MPDZ: variants seen among roughly 807,000 people sequenced by gnomAD.
MPDZ encodes multiple PDZ domain crumbs cell polarity complex component.
In MPDZ, 234 loss-of-function variants were observed where a neutral mutation model predicts 239.1. That is an observed-to-expected ratio of 0.98 (90% CI 0.88 to 1.09). The LOEUF (loss-of-function observed/expected upper bound fraction) is 1.09. MPDZ is among the 50% of genes least tolerant of loss of function. The pLI, the probability that MPDZ is intolerant of heterozygous loss-of-function variation, is 0.00. For missense variants in MPDZ, 3,175 were observed against 2,510.0 expected (o/e 1.26, Z -5.66); for synonymous variants, 1,048 against 881.3 (o/e 1.19, Z -3.35).
At position 13,224,438 on chromosome 9, in the gene MPDZ, A is replaced by T; in HGVS notation, c.329T>A (p.Ile110Asn). The change falls in exon 4 of 47, where the codon ATT becomes AAT. Residue 110 changes from isoleucine (I) to asparagine (N), a missense_variant. Physicochemically the swap from Ile to Asn is moderately radical, Grantham distance 149 (BLOSUM62 -3). Coordinates refer to ENST00000319217, the MANE Select transcript of MPDZ (RefSeq NM_001378778.1). ...AGCAGGTTTCCCATTAATGTGTGGAATACCAGGTCCTGTAAGTGCTTCCAG... is the reference window on the plus strand; with the variant it reads ...AGCAGGTTTCCCATTAATGTGTGGATTACCAGGTCCTGTAAGTGCTTCCAG... Reference protein sequence around the residue: ...GNLEALTGPGIPHINGKPACD... With the variant: ...GNLEALTGPGNPHINGKPACD... The T allele has an allele frequency of 6.2e-7, 1 of 1,612,970 alleles. No homozygotes were observed. Among genetic ancestry groups the T allele is most frequent in the Non-Finnish European group, 8.5e-7 (1 of 1,179,296 alleles).
intron 3 of MPDZ, among the ~76,000 whole-genome samples, chr9:13,238,373 A>C (rs775618728): frequency 4.6e-5 from 7 of 152,214 alleles, no homozygotes; most frequent in Non-Finnish European, 1.0e-4. Flanking sequence ...CCGTGTAAAC[A>C]ACATCACACC....
At chr9:13,192,039 A>C in intron 15 of MPDZ, 92 bp downstream of exon 15, 1 of 1,180,770 alleles carries the variant, frequency 8.5e-7, no homozygotes, top group Non-Finnish European at 1.1e-6. Context: ...TGAGTAAATC[A>C]AATACCAAAT....
chr9:13,188,823 C>G lies in MPDZ; in HGVS notation c.2325G>C (p.Pro775=). ...CAACTCCTATTCTCACAGTCCCTGACGGTGCTCCCTTCAGTGCTTCTACAG... is the reference window on the plus strand; with the variant it reads ...CAACTCCTATTCTCACAGTCCCTGAGGGTGCTCCCTTCAGTGCTTCTACAG... ...EEAVEALKGA[P]SGTVRIGVAK... Residue 775 remains proline (P), a synonymous_variant, in exon 17 of 47, where the codon CCG becomes CCC. Coordinates refer to ENST00000319217, the MANE Select transcript of MPDZ (RefSeq NM_001378778.1). 4 of 1,613,470 alleles carry G rather than the reference C, an allele frequency of 2.5e-6. No individual in the cohort carries two copies. The highest frequency in any genetic ancestry group is 3.4e-6 in the Non-Finnish European group (4 of 1,179,540).
rs566643043 is a variant in MPDZ, at chr9:13,158,213, A to C, written c.3360-103T>G. 5.9e-4 allele frequency: 492 copies of C among 835,842 alleles called. 5 individuals carry two copies. The highest frequency in any genetic ancestry group is 5.2e-3 in the South Asian group (303 of 58,380). 51.8% of individuals were successfully genotyped at this position (835,842 alleles called of 1,614,324 possible). On this transcript the variant is annotated intron_variant, in intron 23 of 46. Coordinates refer to ENST00000319217, the MANE Select transcript of MPDZ (RefSeq NM_001378778.1). The stretch of plus-strand genomic sequence containing the variant: ...TTAGCTAAAAATGCAGGACTGTTTT[A>C]TGTTTTCACCATACATGGCCATAAG...
In MPDZ at chr9:13,193,373, C is replaced by T. The variant is rs1021124879; in HGVS notation, c.1657-60G>A. 6.7e-6 allele frequency: 10 copies of T among 1,499,100 alleles called. No homozygotes were observed. The East Asian group carries it at 6.9e-5, about 10-fold the overall frequency. The allele number at this position is 1,499,100 out of a possible 1,614,324, so 92.9% of individuals were successfully genotyped here. ...TATATTCTTTTTATTTTTACTCATG[C>T]ACACATTTTATGTTTTATGTTTACC... On this transcript the variant is annotated intron_variant, in intron 13 of 46. Coordinates refer to ENST00000319217, the MANE Select transcript of MPDZ (RefSeq NM_001378778.1).
rs186533658 is a variant in MPDZ, at chr9:13,238,075, G to C, written c.183+9560C>G. ...ATAGCGAGGGTATAGTCCTTGGTAA[G>C]GTTTTCCAGAAAAGCAGCCCCAAAA... On this transcript the variant is annotated intron_variant, in intron 3 of 46. Coordinates refer to ENST00000319217, the MANE Select transcript of MPDZ (RefSeq NM_001378778.1). Among the ~76,000 whole-genome samples, 12 of 152,272 alleles carry C rather than the reference G, an allele frequency of 7.9e-5. No individual in the cohort carries two copies. In the East Asian group the frequency reaches 1.9e-3, roughly 25 times the overall value.
At chr9:13,239,086 T>C (rs961740987) in intron 3 of MPDZ, among the ~76,000 whole-genome samples, 28 of 152,188 alleles carry the variant, frequency 1.8e-4, no homozygotes, top group Non-Finnish European at 1.5e-4. Context: ...ACAGGATATA[T>C]GTCTTGAGAA....
intron 3 of MPDZ, among the ~76,000 whole-genome samples, chr9:13,236,245 G>GTATA (rs774590252): frequency 1.5e-4 from 2 of 13,464 alleles, no homozygotes; most frequent in African/African-American, 1.9e-4. Context: ...ATGTGTGTGT[G>GTATA]TGTGTATATA....
chr9:13,178,554 C>T (rs745354227), intron 19 of MPDZ, among the ~76,000 whole-genome samples: 10 of 152,110 alleles, frequency 6.6e-5, no homozygotes, highest in Non-Finnish European at 1.2e-4. Flanking sequence ...ACTTAAAATG[C>T]AATTCAGTTC....
At chr9:13,260,776 C>T (rs1408807428) in intron 1 of MPDZ, among the ~76,000 whole-genome samples, 1 of 152,114 alleles carries the variant, frequency 6.6e-6, no homozygotes, top group Non-Finnish European at 1.5e-5. Context: ...CAGACAAAAC[C>T]CTCATCAGAA....
At chr9:13,246,399 G>A (rs1051701854) in intron 3 of MPDZ, among the ~76,000 whole-genome samples, 1 of 152,156 alleles carries the variant, frequency 6.6e-6, no homozygotes, top group Non-Finnish European at 1.5e-5. Flanking sequence ...CAGAGATGGT[G>A]CCACTGCACT....
At chr9:13,232,212 T>A (rs533188183) in intron 3 of MPDZ, among the ~76,000 whole-genome samples, 1 of 152,310 alleles carries the variant, frequency 6.6e-6, no homozygotes, top group African/African-American at 2.4e-5. Context: ...CCATTAGCTG[T>A]AATAAGTGAA....
At chr9:13,256,780 TAAG>T (rs1017391925) in intron 1 of MPDZ, among the ~76,000 whole-genome samples, 1 of 152,114 alleles carries the variant, frequency 6.6e-6, no homozygotes, top group Non-Finnish European at 1.5e-5. Flanking sequence ...TGAAATATTA[TAAG>T]AATTAACAAA....
rs1563813056 is a variant in MPDZ at position 13,110,748 on chromosome 9, GGAGA to G, written c.5725-12_5725-9del. 3 of 1,607,416 alleles carry G rather than the reference GGAGA, an allele frequency of 1.9e-6. No homozygotes were observed. The South Asian group carries it at 3.3e-5, about 18-fold the overall frequency. ...GACAATCCTATCCCCAACCTGCAAG[GGAGA>G]GAAAGAAACAGCCATCTGCTAAAGC... On this transcript the variant is annotated splice_polypyrimidine_tract_variant and intron_variant, in intron 43 of 46. Transcript: ENST00000319217.
At chr9:13,202,536 C>G (rs941540513) in intron 12 of MPDZ, among the ~76,000 whole-genome samples, 1 of 152,170 alleles carries the variant, frequency 6.6e-6, no homozygotes, top group African/African-American at 2.4e-5. Flanking sequence ...TGCCAAGATA[C>G]ATGCCAGTCA....
At chr9:13,117,781 C>G (rs1563831443) in intron 39 of MPDZ, among the ~76,000 whole-genome samples, 1 of 151,550 alleles carries the variant, frequency 6.6e-6, no homozygotes, top group East Asian at 1.9e-4. Flanking sequence ...ATAAGCAGCC[C>G]CAACAACAAA....
rs373086524 is a variant in MPDZ at position 13,109,993 on chromosome 9, G to A, written c.5901C>T (p.Phe1967=). Residue 1967 remains phenylalanine, a synonymous_variant, in exon 45 of 47, where the codon TTC becomes TTT. Transcript: ENST00000319217. ...QQEPASSSLS[F]TGLTSSSIFQ... is the part of the protein sequence containing the mutation. ...ATATACTGCTTGACGTCAGCCCAGT[G>A]AAAGAAAGACTGGAACTTGCAGGCT... 13 of 1,613,216 alleles carry A rather than the reference G, an allele frequency of 8.1e-6. No homozygotes were observed. The highest frequency in any genetic ancestry group is 8.0e-5 in the African/African-American group (6 of 74,904).
At chr9:13,108,389 C>T (rs1159689333) in intron 46 of MPDZ, among the ~76,000 whole-genome samples, 1 of 151,826 alleles carries the variant, frequency 6.6e-6, no homozygotes, top group Non-Finnish European at 1.5e-5. Context: ...TAATTGAATC[C>T]CTTGATTGCA....
chr9:13,216,957 T>C, intron 9 of MPDZ, 95 bp from the exon 10 acceptor site: 1 of 943,536 alleles, frequency 1.1e-6, no homozygotes, highest in East Asian at 2.6e-5. Context: ...TAATTCAGAA[T>C]AAATACGTAT....
Sources: allele counts gnomAD v4.1 joint callset (sites outside exome capture counted in the v4.1 genomes callset), GRCh38; gene constraint gnomAD v4.1.1; transcripts MANE v1.5; gene names NCBI Gene and HGNC (gene_info 2026-07-23, HGNC 2026-07-21).